Variants in CAMK1D observed in about 807,000 individuals in gnomAD.
CAMK1D encodes the protein calcium/calmodulin-dependent protein kinase type 1D.
In CAMK1D, 9 loss-of-function variants were observed where a neutral mutation model predicts 47.7. The ratio of observed to expected loss-of-function variants is 0.19; its 90% CI spans 0.11 to 0.33. CAMK1D has a LOEUF of 0.33. CAMK1D is among the 10% of genes least tolerant of loss of function. The pLI is 1.00. For missense variants in CAMK1D, 291 were observed against 488.7 expected, an observed-to-expected ratio of 0.60 and a Z score of 3.81; for synonymous variants, 184 against 184.9, an observed-to-expected ratio of 0.99 and a Z score of 0.04.
intron 1 of CAMK1D, among the ~76,000 whole-genome samples, chr10:12,426,065 T>C (rs184885808): frequency 2.3e-4 from 35 of 152,310 alleles, no homozygotes; most frequent in African/African-American, 7.7e-4. Context: ...GTTTCCTCTT[T>C]AGTGCACCGT....
chr10:12,766,027 G>A (rs1037761179), intron 4 of CAMK1D, among the ~76,000 whole-genome samples: 9 of 141,426 alleles, frequency 6.4e-5, no homozygotes, highest in South Asian at 2.2e-4. Flanking sequence ...GTGCAATGGC[G>A]CAATCTCAAC....
chr10:12,550,132 G>A (rs1836530556), intron 1 of CAMK1D, among the ~76,000 whole-genome samples: 1 of 152,316 alleles, frequency 6.6e-6, no homozygotes, highest in South Asian at 2.1e-4. Context: ...CTTGGCTGTG[G>A]TCACTGCTGC....
intron 3 of CAMK1D, among the ~76,000 whole-genome samples, chr10:12,695,408 C>T (rs998348282): frequency 3.0e-4 from 46 of 152,138 alleles, no homozygotes; most frequent in African/African-American, 1.1e-3. Flanking sequence ...GTCCCCAAGG[C>T]GTGCCCTTCA....
intron 1 of CAMK1D, among the ~76,000 whole-genome samples, chr10:12,405,132 C>A (rs1358963586): frequency 1.3e-5 from 2 of 152,168 alleles, no homozygotes; most frequent in African/African-American, 4.8e-5. Flanking sequence ...GTGGTTTAGC[C>A]TGAGCCATCG....
chr10:12,726,493 C>T (rs1399500252), intron 3 of CAMK1D, among the ~76,000 whole-genome samples: 1 of 152,132 alleles, frequency 6.6e-6, no homozygotes, highest in African/African-American at 2.4e-5. Context: ...AGCTGACTTA[C>T]ACATTGTCAA....
chr10:12,424,116 C>A (rs745852351), intron 1 of CAMK1D, among the ~76,000 whole-genome samples: 1 of 152,170 alleles, frequency 6.6e-6, no homozygotes, highest in Admixed American at 6.5e-5. Context: ...CGGGGCCACT[C>A]GGTGGGATAA....
intron 1 of CAMK1D, among the ~76,000 whole-genome samples, chr10:12,451,219 G>A (rs1056359583): frequency 1.3e-5 from 2 of 152,148 alleles, no homozygotes; most frequent in Admixed American, 6.5e-5. Flanking sequence ...GAAGCAGTCC[G>A]CCTAGCCCCC....
chr10:12,790,164 T>C (rs576159691), intron 5 of CAMK1D, among the ~76,000 whole-genome samples: 1 of 152,368 alleles, frequency 6.6e-6, no homozygotes, highest in African/African-American at 2.4e-5. Flanking sequence ...CATGGATGAC[T>C]CTTGATGAAG....
chr10:12,393,520 G>C (rs75153330), intron 1 of CAMK1D, among the ~76,000 whole-genome samples: 1 of 152,172 alleles, frequency 6.6e-6, no homozygotes, highest in African/African-American at 2.4e-5. Flanking sequence ...ACCTCAGTGA[G>C]ATGGGGTCAG....
chr10:12,802,272 C>T (rs914757043), intron 6 of CAMK1D, among the ~76,000 whole-genome samples: 4 of 152,194 alleles, frequency 2.6e-5, no homozygotes, highest in Non-Finnish European at 5.9e-5. Flanking sequence ...TGCAAGGTCT[C>T]GCCAGAGGGA....
At chr10:12,444,405 A>G (rs1832871786) in intron 1 of CAMK1D, among the ~76,000 whole-genome samples, 2 of 152,192 alleles carry the variant, frequency 1.3e-5, no homozygotes, top group African/African-American at 2.4e-5. Context: ...TGTCGATGAA[A>G]AGAGTCAAAC....
chr10:12,729,698 C>T (rs1247580241), intron 3 of CAMK1D, among the ~76,000 whole-genome samples: 2 of 151,898 alleles, frequency 1.3e-5, no homozygotes, highest in East Asian at 1.9e-4. Flanking sequence ...GGAGGAGGGA[C>T]GGTTAAACTT....
intron 1 of CAMK1D, among the ~76,000 whole-genome samples, chr10:12,365,144 C>T (rs984792992): frequency 4.0e-5 from 6 of 151,748 alleles, no homozygotes; most frequent in Non-Finnish European, 8.8e-5. Flanking sequence ...TCAATAGAGA[C>T]AGGGTTTCAC....
At chr10:12,410,522 A>G (rs901664331) in intron 1 of CAMK1D, among the ~76,000 whole-genome samples, 9 of 152,322 alleles carry the variant, frequency 5.9e-5, no homozygotes, top group African/African-American at 2.2e-4. Flanking sequence ...CTTGTAATAA[A>G]TGTGTCTCAC....
At chr10:12,688,147 A>G (rs1367001606) in intron 3 of CAMK1D, among the ~76,000 whole-genome samples, 3 of 152,224 alleles carry the variant, frequency 2.0e-5, no homozygotes, top group African/African-American at 7.2e-5. Context: ...AAGGTTAGGC[A>G]ATATCCTTGT....
intron 1 of CAMK1D, among the ~76,000 whole-genome samples, chr10:12,484,191 C>G (rs866288162): frequency 6.6e-6 from 1 of 152,202 alleles, no homozygotes; most frequent in African/African-American, 2.4e-5. Context: ...CAGCTGGGCT[C>G]TGAGCTCCGG....
At chr10:12,527,084 C>T (rs192728082) in intron 1 of CAMK1D, among the ~76,000 whole-genome samples, 101 of 152,096 alleles carry the variant, frequency 6.6e-4, no homozygotes, top group Admixed American at 2.6e-3. Flanking sequence ...CTTTTATTCC[C>T]ACTTTCTTTG....
intron 1 of CAMK1D, among the ~76,000 whole-genome samples, chr10:12,480,840 TATATG>T (rs1300216697): frequency 2.0e-5 from 3 of 152,168 alleles, no homozygotes; most frequent in African/African-American, 4.8e-5. Flanking sequence ...AACGTGTAGA[TATATG>T]AGATGCAAGC....
intron 1 of CAMK1D, among the ~76,000 whole-genome samples, chr10:12,497,035 C>T (rs974467633): frequency 1.3e-5 from 2 of 152,162 alleles, no homozygotes; most frequent in African/African-American, 4.8e-5. Flanking sequence ...TAATGGCTTC[C>T]AGCTTCATGC....
Sources: gnomAD v4.1 joint callset for allele counts (sites outside exome capture counted in the v4.1 genomes callset) on GRCh38, gnomAD v4.1.1 for gene constraint, MANE v1.5 for transcripts, NCBI Gene and HGNC (gene_info 2026-07-23, HGNC 2026-07-21) for gene names.